Variants in CPEB3 observed in about 807,000 individuals in gnomAD.
CPEB3 encodes cytoplasmic polyadenylation element binding protein 3, also known as cytoplasmic polyadenylation element-binding protein 3.
In CPEB3, 20 loss-of-function variants were observed where a neutral mutation model predicts 67.2. That is an observed-to-expected ratio of 0.30 (90% CI 0.21 to 0.43). The LOEUF is 0.43. CPEB3 is among the 20% of genes least tolerant of loss of function. The pLI, the probability that CPEB3 is intolerant of heterozygous loss-of-function variation, is 1.00. For synonymous variants in CPEB3, 376 were observed against 393.1 expected (o/e 0.96, Z 0.51); for missense variants, 746 against 968.6 (o/e 0.77, Z 3.05).
At chr10:92,061,019 A>G (rs190013836) in intron 9 of CPEB3, among the ~76,000 whole-genome samples, 2 of 152,320 alleles carry the variant, frequency 1.3e-5, no homozygotes, top group East Asian at 3.9e-4. Flanking sequence ...CTGGGTATAT[A>G]CCCAAAAGAA....
intron 1 of CPEB3, among the ~76,000 whole-genome samples, chr10:92,251,132 C>A (rs981699319): frequency 6.6e-6 from 1 of 152,072 alleles, no homozygotes; most frequent in African/African-American, 2.4e-5. Flanking sequence ...ATGCTGTACA[C>A]GTTTGTAAGC....
At position 92,291,030 on chromosome 10, in the gene CPEB3, G is replaced by C. The variant is rs1220443775; in HGVS notation, c.-116C>G. 1 of 170,614 alleles carries C rather than the reference G, an allele frequency of 5.9e-6. No individual in the cohort carries two copies. Among genetic ancestry groups the C allele is most frequent in the Non-Finnish European group, 1.3e-5 (1 of 79,792 alleles). 10.6% of individuals were successfully genotyped at this position (170,614 alleles called of 1,614,324 possible). A position where few individuals can be genotyped will look rare whatever the true frequency, so the allele number is the denominator to read the frequency against. The stretch of plus-strand genomic sequence containing the variant: ...GAAGGAAACGGGAGGGCGCCGGCCA[G>C]ACGGCGGCAGGCGCGGAGGCGTTGG... On this transcript the variant is annotated 5_prime_UTR_variant, in exon 1 of 10. Coordinates refer to ENST00000265997, the MANE Select transcript of CPEB3 (RefSeq NM_014912.5).
chr10:92,239,817 T>A lies in CPEB3; in HGVS notation c.534A>T (p.Pro178=). The A allele has an allele frequency of 2.1e-6, 3 of 1,446,554 alleles. No homozygotes were observed. The highest frequency in any genetic ancestry group is 2.7e-6 in the Non-Finnish European group (3 of 1,102,254). The allele number at this position is 1,446,554 out of a possible 1,614,324, so 89.6% of individuals were successfully genotyped here. A position where few individuals can be genotyped will look rare whatever the true frequency, so the allele number is the denominator to read the frequency against. The part of the protein sequence containing the change: ...PPAPAPQPAQ[P]AQPPQAQPPQ... ...GGGGCTGCGCCTGTGGTGGCTGCGC[T>A]GGCTGTGCCGGCTGCGGCGCGGGCG... Residue 178 remains proline (P), a synonymous_variant, in exon 2 of 10, where the codon CCA becomes CCT. Coordinates refer to ENST00000265997, the MANE Select transcript of CPEB3 (RefSeq NM_014912.5). The surrounding 1 kb of genome is among the most constrained non-coding windows in gnomAD (Gnocchi z 6.0).
chr10:92,105,672 C>G (rs1564783919), intron 7 of CPEB3, among the ~76,000 whole-genome samples: 1 of 148,092 alleles, frequency 6.8e-6, no homozygotes, highest in Non-Finnish European at 1.5e-5. Flanking sequence ...CTTTTATGTG[C>G]TAGGTTCTAT....
intron 7 of CPEB3, among the ~76,000 whole-genome samples, chr10:92,107,061 G>A (rs1237598283): frequency 6.6e-6 from 1 of 152,106 alleles, no homozygotes; most frequent in Non-Finnish European, 1.5e-5. Context: ...AAGTGCTACA[G>A]ATCCCACTCA....
intron 2 of CPEB3, among the ~76,000 whole-genome samples, chr10:92,232,164 T>C (rs749956925): frequency 1.3e-5 from 2 of 151,428 alleles, no homozygotes; most frequent in African/African-American, 2.4e-5. Flanking sequence ...GCAATTTTCC[T>C]GCCTCAACCT....
intron 8 of CPEB3, among the ~76,000 whole-genome samples, chr10:92,087,296 A>T (rs746334661): frequency 6.6e-6 from 1 of 152,222 alleles, no homozygotes; most frequent in Non-Finnish European, 1.5e-5. Context: ...GGGAAGGCAG[A>T]GAAAGAAATT....
chr10:92,215,630 AT>A (rs1434263322), intron 2 of CPEB3, among the ~76,000 whole-genome samples: 1 of 147,396 alleles, frequency 6.8e-6, no homozygotes, highest in Non-Finnish European at 1.5e-5. Flanking sequence ...TTTAGTAGAG[AT>A]GGGGTTTCAC....
At chr10:92,229,478 G>C (rs982415455) in intron 2 of CPEB3, among the ~76,000 whole-genome samples, 1 of 152,160 alleles carries the variant, frequency 6.6e-6, no homozygotes, top group African/African-American at 2.4e-5. Flanking sequence ...AGAATGAGTT[G>C]ATCAATGATG....
At chr10:92,194,922 T>A (rs1241457240) in intron 2 of CPEB3, among the ~76,000 whole-genome samples, 1 of 151,990 alleles carries the variant, frequency 6.6e-6, no homozygotes, top group African/African-American at 2.4e-5. Flanking sequence ...TGGGCACCTG[T>A]AGTCCCAACT....
At chr10:92,092,990 A>G (rs760868235) in intron 7 of CPEB3, among the ~76,000 whole-genome samples, 16 of 152,234 alleles carry the variant, frequency 1.1e-4, no homozygotes, top group Middle Eastern at 3.2e-3. Context: ...CAAGCAAAAA[A>G]TAAGGTATTT....
intron 4 of CPEB3, among the ~76,000 whole-genome samples, chr10:92,149,103 G>A (rs1590242523): frequency 6.6e-6 from 1 of 152,132 alleles, no homozygotes; most frequent in African/African-American, 2.4e-5. Context: ...GTTTCGCCGT[G>A]TTGGCCAGGC....
chr10:92,214,781 T>C (rs544215833), intron 2 of CPEB3, among the ~76,000 whole-genome samples: 84 of 151,564 alleles, frequency 5.5e-4, no homozygotes, highest in Non-Finnish European at 1.1e-3. Context: ...CCACTATGCC[T>C]GGCTCAAATT....
chr10:92,284,358 G>A (rs1189888555), intron 1 of CPEB3, among the ~76,000 whole-genome samples: 2 of 151,832 alleles, frequency 1.3e-5, no homozygotes, highest in Non-Finnish European at 2.9e-5. Flanking sequence ...TATTTCTTAC[G>A]CCTAAACCCT....
chr10:92,095,471 A>T (rs1220882956), intron 7 of CPEB3, among the ~76,000 whole-genome samples: 1 of 151,602 alleles, frequency 6.6e-6, no homozygotes, highest in African/African-American at 2.4e-5. Flanking sequence ...TTCTCTCTTA[A>T]ATCTAAGCCC....
At chr10:92,161,939 G>A (rs771693093) in intron 4 of CPEB3, among the ~76,000 whole-genome samples, 1 of 152,182 alleles carries the variant, frequency 6.6e-6, no homozygotes, top group African/African-American at 2.4e-5. Flanking sequence ...GGGATTACAG[G>A]CATGAGCCAC....
At chr10:92,069,140 T>C (rs1842660252) in intron 9 of CPEB3, among the ~76,000 whole-genome samples, 1 of 152,130 alleles carries the variant, frequency 6.6e-6, no homozygotes, top group African/African-American at 2.4e-5. Flanking sequence ...AGGAACAAAG[T>C]ACAGTATTAT....
intron 6 of CPEB3, among the ~76,000 whole-genome samples, chr10:92,126,586 T>G (rs1349693975): frequency 6.6e-6 from 1 of 152,214 alleles, no homozygotes; most frequent in Non-Finnish European, 1.5e-5. Context: ...AATGTTAAAA[T>G]GTACCTTGGG....
chr10:92,229,374 T>C (rs1335911765), intron 2 of CPEB3, among the ~76,000 whole-genome samples: 1 of 152,186 alleles, frequency 6.6e-6, no homozygotes, highest in East Asian at 1.9e-4. Context: ...AAAATTATCC[T>C]GACTCTCATT....
Sources: gnomAD v4.1 joint callset for allele counts (sites outside exome capture counted in the v4.1 genomes callset) on GRCh38, gnomAD v4.1.1 for gene constraint, Gnocchi (gnomAD v3.1) non-coding constraint, MANE v1.5 for transcripts, NCBI Gene and HGNC (gene_info 2026-07-23, HGNC 2026-07-21) for gene names.